The following PCSK6 variants were observed in gnomAD, a reference collection of about 807,000 sequenced individuals.
PCSK6 encodes the protein proprotein convertase subtilisin/kexin type 6, also known as paired basic amino acid cleaving enzyme 4.
PCSK6 carries 85 observed loss-of-function variants against 123.3 expected under a neutral mutation model. That is an observed-to-expected ratio of 0.69 (90% confidence interval 0.58 to 0.83). PCSK6 has a LOEUF of 0.83. Ranked by LOEUF, PCSK6 falls within the 40% of genes least tolerant of loss-of-function variation. The pLI is 0.00. For synonymous variants in PCSK6, 508 were observed against 516.0 expected (o/e 0.98, Z 0.21); for missense variants, 1,191 against 1,282.3 (o/e 0.93, Z 1.09).
chr15:101,374,369 C>T (rs1034482721), intron 11 of PCSK6, among the ~76,000 whole-genome samples: 14 of 152,146 alleles, frequency 9.2e-5, no homozygotes, highest in Non-Finnish European at 1.8e-4. Flanking sequence ...AGCAGGAAGA[C>T]GGGCCACAGG....
Position 101,304,917 on chromosome 15 carries a change from G to A in PCSK6, c.*341C>T, listed in dbSNP as rs1413173783. ...AGAAGAGTGATGTGTGATGCCAAGC[G>A]CCTTTCTTTTCTGCTTTGGTCTTGA... On this transcript the variant is annotated 3_prime_UTR_variant, in exon 22 of 22. Transcript: ENST00000611716. 1 of 231,354 alleles carries A rather than the reference G, an allele frequency of 4.3e-6. No homozygotes were observed. The highest frequency in any genetic ancestry group is 9.8e-5 in the East Asian group (1 of 10,190). The allele number at this position is 231,354 out of a possible 1,614,324, so 14.3% of individuals were successfully genotyped here.
intron 6 of PCSK6, among the ~76,000 whole-genome samples, chr15:101,405,307 T>C (rs1022012156): frequency 6.6e-6 from 1 of 152,226 alleles, no homozygotes; most frequent in Non-Finnish European, 1.5e-5. Flanking sequence ...CTCCCCATGG[T>C]CAGCTTGCTA....
rs946148430 is a variant in PCSK6 at position 101,416,914 on chromosome 15, G to T, written c.823+10978C>A. On this transcript the variant is annotated intron_variant, in intron 6 of 21. Coordinates refer to ENST00000611716, the MANE Select transcript of PCSK6 (RefSeq NM_002570.5). The stretch of plus-strand genomic sequence containing the variant: ...GGCAGAACTTTGCTGCAGGGGTGGG[G>T]CCCTCATGAAGAACCTCTGCTAGGG... 4.6e-5 allele frequency among the ~76,000 whole-genome samples: 7 copies of T among 152,208 alleles called. No individual in the cohort carries two copies. In the East Asian group the frequency reaches 9.6e-4, roughly 21 times the overall value.
intron 15 of PCSK6, among the ~76,000 whole-genome samples, chr15:101,326,972 C>G (rs964235159): frequency 3.9e-5 from 6 of 152,136 alleles, no homozygotes; most frequent in South Asian, 4.1e-4. Context: ...GTAGCCCCCC[C>G]GCAACTCGCT....
At chr15:101,372,153 C>G (rs1159039390) in intron 11 of PCSK6, among the ~76,000 whole-genome samples, 1 of 152,200 alleles carries the variant, frequency 6.6e-6, no homozygotes, top group Non-Finnish European at 1.5e-5. Flanking sequence ...CCGACCCACC[C>G]CAGTGATCTG....
intron 6 of PCSK6, among the ~76,000 whole-genome samples, chr15:101,418,810 G>A (rs1452073234): frequency 1.3e-5 from 2 of 152,154 alleles, no homozygotes; most frequent in Non-Finnish European, 2.9e-5. Flanking sequence ...ACTGTGCCTA[G>A]CCCAGTTTAG....
In PCSK6 at chr15:101,443,657, C is replaced by T. The variant is rs748715828; in HGVS notation, c.301G>A (p.Gly101Arg). 2 of 1,610,172 alleles carry T rather than the reference C, an allele frequency of 1.2e-6. No homozygotes were observed. Among genetic ancestry groups the T allele is most frequent in the East Asian group, 2.2e-5 (1 of 44,862 alleles). The change falls in exon 2 of 22, where the codon GGA becomes AGA. Residue 101 changes from glycine (G) to arginine (R), a missense_variant. Physicochemically the swap from Gly to Arg is moderately radical, Grantham distance 125. Around this residue, in one of 3 missense-constraint regions of PCSK6, gnomAD observed 204 missense variants for 166.4 expected, o/e 1.23. Transcript: ENST00000611716. Reference protein sequence around the residue: ...AHGYLNLGQIGNLEDYYHFYH... With the variant: ...AHGYLNLGQIRNLEDYYHFYH... ...AAATGGTAGTAATCTTCCAGGTTTC[C>T]AATCTGCAAGACAAGAAGCAGAATG...
intron 6 of PCSK6, among the ~76,000 whole-genome samples, chr15:101,420,703 T>A (rs573653293): frequency 6.6e-6 from 1 of 152,200 alleles, no homozygotes; most frequent in East Asian, 1.9e-4. Flanking sequence ...AAATTATATA[T>A]GAAAAGGGGG....
rs927492024 is a variant in PCSK6 at position 101,414,800 on chromosome 15, T to C, written c.823+13092A>G. Among the ~76,000 whole-genome samples, 4 of 152,114 alleles carry C rather than the reference T, an allele frequency of 2.6e-5. No individual in the cohort carries two copies. In the South Asian group the frequency reaches 6.2e-4, roughly 24 times the overall value. ...GATGAATAGATAAAAACAAATACAATAGAAATAAATCCAAAGATATCTGAA... is the reference window on the plus strand; with the variant it reads ...GATGAATAGATAAAAACAAATACAACAGAAATAAATCCAAAGATATCTGAA... On this transcript the variant is annotated intron_variant, in intron 6 of 21. Transcript: ENST00000611716.
intron 13 of PCSK6, among the ~76,000 whole-genome samples, chr15:101,342,230 A>C (rs924109936): frequency 2.9e-4 from 44 of 152,098 alleles, no homozygotes; most frequent in African/African-American, 1.0e-3. Flanking sequence ...AAAATATACA[A>C]CACCATTACA....
At chr15:101,360,000 T>G (rs1242294034) in intron 13 of PCSK6, among the ~76,000 whole-genome samples, 1 of 152,112 alleles carries the variant, frequency 6.6e-6, no homozygotes, top group African/African-American at 2.4e-5. Context: ...CTTCCCCCCC[T>G]GCAATGTTCC....
chr15:101,353,428 C>T (rs1284172198), intron 13 of PCSK6, among the ~76,000 whole-genome samples: 1 of 152,026 alleles, frequency 6.6e-6, no homozygotes, highest in East Asian at 1.9e-4. Context: ...TAGTCTAGTC[C>T]CTAACAGTCC....
At chr15:101,358,440 A>G (rs1311921557) in intron 13 of PCSK6, among the ~76,000 whole-genome samples, 1 of 152,058 alleles carries the variant, frequency 6.6e-6, no homozygotes, top group Non-Finnish European at 1.5e-5. Context: ...CCTCTGGGTC[A>G]CTGGTGGCCC....
At chr15:101,338,090 C>T (rs762270860) in intron 13 of PCSK6, among the ~76,000 whole-genome samples, 1 of 152,146 alleles carries the variant, frequency 6.6e-6, no homozygotes, top group Non-Finnish European at 1.5e-5. Context: ...CACATGATCC[C>T]GCCACAGTGT....
At chr15:101,465,175 G>A (rs1021477875) in intron 1 of PCSK6, among the ~76,000 whole-genome samples, 1 of 152,236 alleles carries the variant, frequency 6.6e-6, no homozygotes. Context: ...CAATCAGCGT[G>A]TGTGGTGAGC....
rs548818766 is a variant in PCSK6, at chr15:101,347,306, C to T, written c.1859-15275G>A. On this transcript the variant is annotated intron_variant, in intron 13 of 21. Transcript: ENST00000611716. ...TAGCTCAAAAGAGATGTCAATAAAA[C>T]ACAGATCAAGATGGCTAGCAATAAA... is the stretch of plus-strand genomic sequence containing the variant. The T allele has an allele frequency of 4.9e-6, 6 of 1,233,336 alleles. No individual in the cohort carries two copies. In the African/African-American group the frequency reaches 7.8e-5, roughly 16 times the overall value. The allele number at this position is 1,233,336 out of a possible 1,614,324, so 76.4% of individuals were successfully genotyped here.
chr15:101,471,696 T>A (rs2057608073), intron 1 of PCSK6, among the ~76,000 whole-genome samples: 1 of 152,180 alleles, frequency 6.6e-6, no homozygotes, highest in Non-Finnish European at 1.5e-5. Flanking sequence ...TTTGTTGAGT[T>A]TGGATAAATG....
intron 6 of PCSK6, among the ~76,000 whole-genome samples, chr15:101,415,829 CT>C (rs999499302): frequency 6.6e-6 from 1 of 152,210 alleles, no homozygotes; most frequent in Non-Finnish European, 1.5e-5. Context: ...CCTCATTTTT[CT>C]CTTGCCACCA....
chr15:101,388,281 C>T (rs1191576536), intron 9 of PCSK6, among the ~76,000 whole-genome samples: 5 of 152,186 alleles, frequency 3.3e-5, no homozygotes, highest in South Asian at 2.1e-4. Flanking sequence ...TTGAGTGTTA[C>T]GCTCAGTTTG....
Sources: allele counts gnomAD v4.1 joint callset (sites outside exome capture counted in the v4.1 genomes callset), GRCh38; gene constraint gnomAD v4.1.1; regional missense constraint gnomAD v4.1.1; transcripts MANE v1.5; gene names NCBI Gene and HGNC (gene_info 2026-07-23, HGNC 2026-07-21).